NUDT13: variants seen among roughly 807,000 people sequenced by gnomAD.
NUDT13 encodes the protein nudix hydrolase 13.
A neutral mutation model predicts 41.7 loss-of-function variants in NUDT13; 40 were observed. The ratio of observed to expected loss-of-function variants is 0.96; its 90% CI spans 0.75 to 1.25. The LOEUF is 1.25. Among genes scored for constraint, NUDT13 ranks in the 50% most tolerant of loss-of-function variants. The pLI is 0.00. For missense variants in NUDT13, 390 were observed against 416.1 expected (o/e 0.94, Z 0.55); for synonymous variants, 145 against 155.5 (o/e 0.93, Z 0.50).
Position 73,125,394 on chromosome 10 carries a change from C to T in NUDT13, c.592-4C>T, listed in dbSNP as rs373719013. On this transcript the variant is annotated splice_polypyrimidine_tract_variant and splice_region_variant and intron_variant, in intron 6 of 8. Transcript: ENST00000357321. ...GCATCTCAGTTTCCATTCCCCTTTC[C>T]TAGATGGCTCCTGTGGCGATCACGC... The T allele has an allele frequency of 1.2e-6, 2 of 1,613,568 alleles. No individual in the cohort carries two copies. The highest frequency in any genetic ancestry group is 2.7e-5 in the African/African-American group (2 of 74,872).
chr10:73,121,505 C>T (rs184793451), intron 3 of NUDT13, among the ~76,000 whole-genome samples: 2 of 152,320 alleles, frequency 1.3e-5, no homozygotes, highest in East Asian at 3.9e-4. Flanking sequence ...CCTTCATGAA[C>T]AAGTGTATAG....
chr10:73,126,236 C>G (rs954871996), intron 7 of NUDT13: 7 of 217,940 alleles, frequency 3.2e-5, no homozygotes, highest in Non-Finnish European at 6.8e-5. Context: ...ACTACACTTA[C>G]TTTATCACAA....
chr10:73,126,744 T>A lies in NUDT13; in HGVS notation c.775T>A (p.Tyr259Asn), dbSNP rs1041666198. The part of the protein sequence containing the change: ...EVGLEVESLQ[Y>N]YASQHWPFPS... ...GGGATTGGAGGTGGAAAGCCTGCAG[T>A]ACTATGCATCCCAGCATTGGCCCTT... The change falls in exon 8 of 9, where the codon TAC becomes AAC. Residue 259 changes from tyrosine (Y) to asparagine (N), a missense_variant. Tyr to Asn is a moderately radical substitution (Grantham distance 143). Transcript: ENST00000357321. The A allele has an allele frequency of 4.3e-6, 7 of 1,614,006 alleles. No individual in the cohort carries two copies. In the African/African-American group the frequency reaches 8.0e-5, roughly 18 times the overall value.
In NUDT13 at chr10:73,130,831, T is replaced by G; in HGVS notation, c.987T>G (p.Pro329=). 6.2e-7 allele frequency: 1 copy of G among 1,613,048 alleles called. No individual in the cohort carries two copies. Among genetic ancestry groups the G allele is most frequent in the Non-Finnish European group, 8.5e-7 (1 of 1,179,798 alleles). ...QNGTFPFWLP[P]KLAISHQLIK... is the part of the protein sequence containing the mutation. ...GGACTTTCCCATTCTGGCTGCCCCC[T>G]AAGTTAGCCATCTCCCACCAACTGA... The change falls in exon 9 of 9, where the codon CCT becomes CCG. Residue 329 remains proline, a synonymous_variant. Coordinates refer to ENST00000357321, the MANE Select transcript of NUDT13 (RefSeq NM_015901.6).
intron 5 of NUDT13, chr10:73,124,640 G>T (rs536005792): frequency 9.1e-5 from 22 of 240,482 alleles, no homozygotes; most frequent in Non-Finnish European, 1.4e-4. Flanking sequence ...TTCCCTAAGA[G>T]AAATTACTTT....
chr10:73,130,789 T>C lies in NUDT13; in HGVS notation c.945T>C (p.Tyr315=). 6.2e-7 allele frequency: 1 copy of C among 1,613,824 alleles called. No individual in the cohort carries two copies. The highest frequency in any genetic ancestry group is 1.1e-5 in the South Asian group (1 of 91,072). The change falls in exon 9 of 9, where the codon TAT becomes TAC. Residue 315 remains tyrosine, a synonymous_variant. Transcript: ENST00000357321. ...VATALKRKGP[Y]TQQQNGTFPF... is the part of the protein sequence containing the mutation. ...CAGCCCTGAAGAGAAAGGGCCCCTA[T>C]ACTCAGCAACAGAATGGGACTTTCC...
At chr10:73,127,629 G>GT (rs1042684107) in intron 8 of NUDT13, among the ~76,000 whole-genome samples, 4 of 151,128 alleles carry the variant, frequency 2.6e-5, no homozygotes, top group African/African-American at 7.3e-5. Flanking sequence ...CAGCAGAGAA[G>GT]TATATACCCT....
intron 1 of NUDT13, among the ~76,000 whole-genome samples, 163 bp downstream of exon 1, chr10:73,110,730 C>T (rs1269299464): frequency 6.6e-6 from 1 of 152,118 alleles, no homozygotes; most frequent in Non-Finnish European, 1.5e-5. Flanking sequence ...ATAGTTTTGC[C>T]TCATAACTGT....
Position 73,117,041 on chromosome 10 carries a change from C to T in NUDT13, c.83+2593C>T, listed in dbSNP as rs577983304. 4.0e-5 allele frequency among the ~76,000 whole-genome samples: 6 copies of T among 150,762 alleles called. No individual in the cohort carries two copies. In the East Asian group the frequency reaches 1.0e-3, roughly 26 times the overall value. ...GCTGGGACTAAGGCACACGCCACCA[C>T]GCCCAGCTAATTTTTGTATTTTTAG... On this transcript the variant is annotated intron_variant, in intron 2 of 8. Coordinates refer to ENST00000357321, the MANE Select transcript of NUDT13 (RefSeq NM_015901.6).
rs1287233210 is a variant in NUDT13 at position 73,131,592 on chromosome 10, A to T, written c.*689A>T. The T allele has an allele frequency of 6.6e-6, 1 of 152,340 alleles. No homozygotes were observed. Among genetic ancestry groups the T allele is most frequent in the African/African-American group, 2.4e-5 (1 of 41,458 alleles). The allele number at this position is 152,340 out of a possible 1,614,324, so 9.4% of individuals were successfully genotyped here. A position where few individuals can be genotyped will look rare whatever the true frequency, so the allele number is the denominator to read the frequency against. ...CTGTCACATGCTCAGTTTGTGACCC[A>T]GGGAAAAGACTATTGCTTTGCCATG... On this transcript the variant is annotated 3_prime_UTR_variant, in exon 9 of 9. Transcript: ENST00000357321.
At chr10:73,120,591 G>A (rs1297799783) in intron 3 of NUDT13, among the ~76,000 whole-genome samples, 1 of 152,072 alleles carries the variant, frequency 6.6e-6, no homozygotes, top group Non-Finnish European at 1.5e-5. Flanking sequence ...GCCATTCTTT[G>A]CCTTAGAGCA....
At chr10:73,126,621 T>C in intron 7 of NUDT13, 52 bp from the exon 8 acceptor site, 1 of 1,591,456 alleles carries the variant, frequency 6.3e-7, no homozygotes, top group Non-Finnish European at 8.5e-7. Flanking sequence ...GGGCTGTCTG[T>C]ATCACCCTTC....
chr10:73,130,642 C>T, intron 8 of NUDT13, 61 bp from the exon 9 acceptor site: 2 of 1,359,660 alleles, frequency 1.5e-6, no homozygotes, highest in South Asian at 1.2e-5. Flanking sequence ...GACCTTTGGC[C>T]ATAGTATTCT....
In NUDT13 at chr10:73,131,276, G is replaced by T. The variant is rs576034407; in HGVS notation, c.*373G>T. ...CACTAACTGCCAAAATGTGCCTGTT[G>T]TAAGTTTGGTTAAAACTTTTATCTT... On this transcript the variant is annotated 3_prime_UTR_variant, in exon 9 of 9. Coordinates refer to ENST00000357321, the MANE Select transcript of NUDT13 (RefSeq NM_015901.6). 5.2e-5 allele frequency: 10 copies of T among 191,802 alleles called. 1 individual carries two copies. In the South Asian group the frequency reaches 9.9e-4, roughly 19 times the overall value. The allele number at this position is 191,802 out of a possible 1,614,324, so 11.9% of individuals were successfully genotyped here. A position where few individuals can be genotyped will look rare whatever the true frequency, so the allele number is the denominator to read the frequency against.
rs776649352 is a variant in NUDT13 at position 73,126,941 on chromosome 10, CAT to C, written c.858+115_858+116del. On this transcript the variant is annotated intron_variant, in intron 8 of 8. Transcript: ENST00000357321. ...TCCAGCATCATCTAGATTACATAAA[CAT>C]GTGTAAAATATGATTTAGGGCTGAG... 5.7e-5 allele frequency: 53 copies of C among 936,974 alleles called. 1 individual carries two copies. The East Asian group carries it at 8.0e-4, about 14-fold the overall frequency. 58.0% of individuals were successfully genotyped at this position (936,974 alleles called of 1,614,324 possible). A position where few individuals can be genotyped will look rare whatever the true frequency, so the allele number is the denominator to read the frequency against.
At chr10:73,111,639 A>C (rs1842369931) in intron 1 of NUDT13, among the ~76,000 whole-genome samples, 1 of 152,198 alleles carries the variant, frequency 6.6e-6, no homozygotes, top group Non-Finnish European at 1.5e-5. Flanking sequence ...CAAACATTGT[A>C]CTTTTAAAAA....
At chr10:73,126,960 A>C (rs953288671) in intron 8 of NUDT13, 133 bp downstream of exon 8, 4 of 813,352 alleles carry the variant, frequency 4.9e-6, no homozygotes, top group Non-Finnish European at 7.9e-6. Flanking sequence ...AATATGATTT[A>C]GGGCTGAGCA....
chr10:73,124,160 C>T lies in NUDT13; in HGVS notation c.359-54C>T, dbSNP rs1407355573. 3 of 1,228,420 alleles carry T rather than the reference C, an allele frequency of 2.4e-6. No individual in the cohort carries two copies. In the African/African-American group the frequency reaches 4.4e-5, roughly 18 times the overall value. 76.1% of individuals were successfully genotyped at this position (1,228,420 alleles called of 1,614,324 possible). ...TTTAACAGGATAGACTGGAGAGAGGCCCTGAGGCAAAGTTTGTCATTGTTT... is the reference window on the plus strand; with the variant it reads ...TTTAACAGGATAGACTGGAGAGAGGTCCTGAGGCAAAGTTTGTCATTGTTT... On this transcript the variant is annotated intron_variant, in intron 4 of 8. Coordinates refer to ENST00000357321, the MANE Select transcript of NUDT13 (RefSeq NM_015901.6).
rs748298829 is a variant in NUDT13 at position 73,125,476 on chromosome 10, ATG to A, written c.672_673del (p.Met224IlefsTer9). ...CCGCCAAAGCTCCTTTCCCAAGGGA[ATG>A]TATTCTGCCTTGGCAGGTTTTTGTG... ...LARQSSFPKG[M>X]YSALAGFCDI... On this transcript the variant is annotated frameshift_variant, in exon 7 of 9. Coordinates refer to ENST00000357321, the MANE Select transcript of NUDT13 (RefSeq NM_015901.6). LOFTEE classifies it high-confidence loss of function. 2 of 1,609,540 alleles carry A rather than the reference ATG, an allele frequency of 1.2e-6. No homozygotes were observed. Among genetic ancestry groups the A allele is most frequent in the African/African-American group, 2.7e-5 (2 of 74,762 alleles).
Sources: allele counts gnomAD v4.1 joint callset (sites outside exome capture counted in the v4.1 genomes callset), GRCh38; gene constraint gnomAD v4.1.1; transcripts MANE v1.5; gene names NCBI Gene and HGNC (gene_info 2026-07-23, HGNC 2026-07-21).